LAMC3: variants seen among roughly 807,000 people sequenced by gnomAD.
LAMC3 encodes laminin subunit gamma 3, also known as laminin subunit gamma-3.
Under a neutral mutation model 173.8 loss-of-function variants are expected in LAMC3, and 128 were observed. The ratio of observed to expected loss-of-function variants is 0.74; its 90% CI spans 0.64 to 0.85. LAMC3 has a LOEUF of 0.85. Among genes scored for constraint, LAMC3 ranks in the 40% least tolerant of loss-of-function variants. The probability of loss-of-function intolerance (pLI) is 0.00; values close to 1 mark genes in which losing one functional copy is unlikely to be tolerated. For synonymous variants in LAMC3, 897 were observed against 909.1 expected (o/e 0.99, Z 0.24); for missense variants, 2,022 against 2,156.0 (o/e 0.94, Z 1.23).
At chr9:131,071,700 A>T in intron 18 of LAMC3, 75 bp downstream of exon 18, 1 of 1,454,094 alleles carries the variant, frequency 6.9e-7, no homozygotes, top group Non-Finnish European at 9.1e-7. Flanking sequence ...GTGTCGTTGG[A>T]TGCTTTGGGG....
At chr9:131,058,519 G>A (rs949415144) in intron 12 of LAMC3, among the ~76,000 whole-genome samples, 1 of 151,600 alleles carries the variant, frequency 6.6e-6, no homozygotes, top group Admixed American at 6.6e-5. Context: ...CCACACTGAC[G>A]GCTTCATGCC....
At chr9:131,017,077 G>A (rs1008163931) in intron 1 of LAMC3, among the ~76,000 whole-genome samples, 11 of 152,188 alleles carry the variant, frequency 7.2e-5, no homozygotes, top group South Asian at 4.1e-4. Context: ...ATCTGGGGGC[G>A]GCCTGGTGTC....
intron 25 of LAMC3, chr9:131,085,942 G>A (rs1467489614): frequency 1.8e-5 from 11 of 617,720 alleles, no homozygotes; most frequent in Non-Finnish European, 2.9e-5. Context: ...ATGCTGAGGT[G>A]CAGCCAGCTT....
chr9:131,049,147 G>A lies in LAMC3; in HGVS notation c.1630+17G>A, dbSNP rs1564375585. 6.8e-7 allele frequency: 1 copy of A among 1,460,616 alleles called. No homozygotes were observed. The highest frequency in any genetic ancestry group is 9.4e-7 in the Non-Finnish European group (1 of 1,063,674). The allele number at this position is 1,460,616 out of a possible 1,614,324, so 90.5% of individuals were successfully genotyped here. The stretch of plus-strand genomic sequence containing the variant: ...CAGCACCAGGTACCTCCAGCACCAG[G>A]TGGGGGCTGGCCGCCCTGTGTCGGT... On this transcript the variant is annotated intron_variant, in intron 9 of 27. Coordinates refer to ENST00000361069, the MANE Select transcript of LAMC3 (RefSeq NM_006059.4).
intron 20 of LAMC3, among the ~76,000 whole-genome samples, chr9:131,074,891 G>A (rs1305445707): frequency 1.3e-5 from 2 of 152,052 alleles, no homozygotes; most frequent in East Asian, 1.9e-4. Flanking sequence ...AGGCTGTCGT[G>A]ACCACTCTCT....
At chr9:131,077,930 G>A (rs1007783810) in intron 22 of LAMC3, among the ~76,000 whole-genome samples, 6 of 152,112 alleles carry the variant, frequency 3.9e-5, no homozygotes, top group Non-Finnish European at 7.3e-5. Context: ...ATGGACACGG[G>A]ATGCAATCCC....
chr9:131,051,192 AG>A (rs957133854), intron 9 of LAMC3, among the ~76,000 whole-genome samples: 1 of 152,116 alleles, frequency 6.6e-6, no homozygotes, highest in Non-Finnish European at 1.5e-5. Flanking sequence ...GTTCCCAAAT[AG>A]GGGGAAGTAC....
At chr9:131,085,878 C>T (rs551838185) in intron 25 of LAMC3, 155 bp downstream of exon 25, 2 of 740,130 alleles carry the variant, frequency 2.7e-6, no homozygotes, top group South Asian at 3.0e-5. Context: ...GGGGGTGAGT[C>T]TGTGGGTTCC....
Position 131,079,273 on chromosome 9 carries a change from T to A in LAMC3, c.3902T>A (p.Leu1301Gln), listed in dbSNP as rs1466071827. The A allele has an allele frequency of 6.2e-7, 1 of 1,614,086 alleles. No homozygotes were observed. Among genetic ancestry groups the A allele is most frequent in the African/African-American group, 1.3e-5 (1 of 74,940 alleles). Reference protein sequence around the residue: ...RTLQTAAQATLRQTEPLTKLH... With the variant: ...RTLQTAAQATQRQTEPLTKLH... ...CTCCAGACTGCTGCCCAGGCGACGC[T>A]ACGGCAAACAGAACCCCTCACAAAG... Residue 1301 changes from leucine to glutamine, a missense_variant, in exon 23 of 28, where the codon CTA (leucine) becomes CAA (glutamine). Transcript: ENST00000361069.
intron 23 of LAMC3, among the ~76,000 whole-genome samples, chr9:131,081,483 C>T (rs28593467): frequency 0.86 from 124,096 of 144,000 alleles, 53,669 homozygotes; most frequent in African/African-American, 0.94. Context: ...TTCTTTCTCT[C>T]TCTTTTTTAG....
chr9:131,067,342 C>G lies in LAMC3; in HGVS notation c.2593+137C>G, dbSNP rs1829958321. 2.8e-6 allele frequency: 3 copies of G among 1,058,162 alleles called. No individual in the cohort carries two copies. In the East Asian group the frequency reaches 7.2e-5, roughly 25 times the overall value. 65.5% of individuals were successfully genotyped at this position (1,058,162 alleles called of 1,614,324 possible). A position where few individuals can be genotyped will look rare whatever the true frequency, so the allele number is the denominator to read the frequency against. ...CTCTGCAAGGCTGTCCAGCCTCAGGCAGGTCACTTCCCTTCCTGTCTCCAT... is the reference window on the plus strand; with the variant it reads ...CTCTGCAAGGCTGTCCAGCCTCAGGGAGGTCACTTCCCTTCCTGTCTCCAT... On this transcript the variant is annotated intron_variant, in intron 14 of 27. Coordinates refer to ENST00000361069, the MANE Select transcript of LAMC3 (RefSeq NM_006059.4).
chr9:131,065,053 A>AG (rs1829904967), intron 13 of LAMC3, among the ~76,000 whole-genome samples: 1 of 139,846 alleles, frequency 7.2e-6, no homozygotes, highest in South Asian at 2.4e-4. Context: ...AAAAAAAAAA[A>AG]AAAAAAGAAA....
chr9:131,056,677 C>T (rs1834411914), intron 11 of LAMC3, among the ~76,000 whole-genome samples: 2 of 152,038 alleles, frequency 1.3e-5, no homozygotes, highest in Non-Finnish European at 2.9e-5. Flanking sequence ...CCTGTAGTCG[C>T]AGCTACTTGG....
intron 24 of LAMC3, among the ~76,000 whole-genome samples, chr9:131,083,573 T>C (rs1016969670): frequency 6.6e-6 from 1 of 152,274 alleles, no homozygotes; most frequent in South Asian, 2.1e-4. Flanking sequence ...TGCTGCAGCA[T>C]CCTCTTGAGG....
Position 131,009,637 on chromosome 9 carries a change from C to T in LAMC3, c.373+50C>T, listed in dbSNP as rs1218031377. 3.9e-6 allele frequency: 6 copies of T among 1,542,150 alleles called. No individual in the cohort carries two copies. The highest frequency in any genetic ancestry group is 1.2e-5 in the South Asian group (1 of 83,744). On this transcript the variant is annotated intron_variant, in intron 1 of 27. Transcript: ENST00000361069. The surrounding 1 kb of genome is among the most constrained non-coding windows in gnomAD (Gnocchi z 4.3). ...CACCGCACCCCGTGTCCCCACTCCA[C>T]TGGGGGTCTGAGGCTGAGGCCTGAG... is the stretch of plus-strand genomic sequence containing the variant.
chr9:131,085,349 C>G (rs561994773), intron 24 of LAMC3, among the ~76,000 whole-genome samples, 175 bp from the exon 25 acceptor site: 25 of 152,284 alleles, frequency 1.6e-4, no homozygotes, highest in African/African-American at 4.8e-4. Context: ...GTCTCGCTTG[C>G]TTTTGTTTTC....
At chr9:131,074,032 C>T (rs1274619684) in intron 20 of LAMC3, among the ~76,000 whole-genome samples, 6 of 150,548 alleles carry the variant, frequency 4.0e-5, no homozygotes, top group Non-Finnish European at 7.4e-5. Flanking sequence ...CTGCAAGCTC[C>T]GCCTCCCGGG....
chr9:131,069,293 C>T (rs1023486903), intron 16 of LAMC3, among the ~76,000 whole-genome samples: 1 of 152,174 alleles, frequency 6.6e-6, no homozygotes, highest in Non-Finnish European at 1.5e-5. Flanking sequence ...AGTCTCTGGC[C>T]CTCTGCAGCC....
At chr9:131,042,550 A>G (rs1834075004) in intron 7 of LAMC3, among the ~76,000 whole-genome samples, 1 of 151,858 alleles carries the variant, frequency 6.6e-6, no homozygotes, top group Non-Finnish European at 1.5e-5. Context: ...AGCAGACATC[A>G]CTAATGGTAT....
Sources: allele counts gnomAD v4.1 joint callset (sites outside exome capture counted in the v4.1 genomes callset), GRCh38; gene constraint gnomAD v4.1.1; non-coding constraint Gnocchi (gnomAD v3.1); transcripts MANE v1.5; gene names NCBI Gene and HGNC (gene_info 2026-07-23, HGNC 2026-07-21).